LRRC53: variants seen among roughly 807,000 people sequenced by gnomAD.
LRRC53 encodes the protein leucine-rich repeat-containing protein 53.
Under a neutral mutation model 13.6 loss-of-function variants are expected in LRRC53, and 25 were observed. The ratio of observed to expected loss-of-function variants is 1.83; its 90% confidence interval spans 1.34 to 2.56. The LOEUF (loss-of-function observed/expected upper bound fraction) is 2.56, where lower values mean the gene tolerates loss of function less well. Ranked by LOEUF, LRRC53 falls within the 30% of genes most tolerant of loss-of-function variation. The pLI, the probability that LRRC53 is intolerant of heterozygous loss-of-function variation, is 0.00. For missense variants in LRRC53, 527 were observed against 275.8 expected (o/e 1.91, Z -6.45); for synonymous variants, 204 against 109.8 (o/e 1.86, Z -5.37).
the LRRC53 span, among the ~76,000 whole-genome samples, chr1:74,522,492 C>A: frequency 2.0e-5 from 3 of 152,070 alleles, no homozygotes; most frequent in African/African-American, 7.2e-5. Flanking sequence ...GTACGAGTTG[C>A]ATGACTAATT....
At chr1:74,525,572 A>G in the LRRC53 span, among the ~76,000 whole-genome samples, 1 of 152,242 alleles carries the variant, frequency 6.6e-6, no homozygotes, top group Non-Finnish European at 1.5e-5. Context: ...AAGTGTTGCA[A>G]GTAAACTCTG....
Position 74,480,635 on chromosome 1 carries a change from T to C in LRRC53, c.422A>G (p.Asn141Ser). ...SGLTRLQLDG[N>S]QITNLTDSSF... Reference sequence around the variant, plus strand: ...ACTGTCTGTGAGATTAGTAATCTGATTCCCATCCAGCTGGAGCCGGGTCAG... The same window carrying C: ...ACTGTCTGTGAGATTAGTAATCTGACTCCCATCCAGCTGGAGCCGGGTCAG... The change falls in exon 3 of 5, where the codon AAT becomes AGT. Residue 141 changes from asparagine (N) to serine (S), a missense_variant. Asn to Ser is a conservative substitution (Grantham distance 46). Transcript: ENST00000294635. 1.4e-6 allele frequency: 1 copy of C among 717,272 alleles called. No homozygotes were observed. The highest frequency in any genetic ancestry group is 1.5e-5 in the South Asian group (1 of 67,600). The allele number at this position is 717,272 out of a possible 1,614,324, so 44.4% of individuals were successfully genotyped here.
the LRRC53 span, among the ~76,000 whole-genome samples, chr1:74,535,541 T>C: frequency 1.3e-5 from 2 of 152,246 alleles, no homozygotes; most frequent in South Asian, 4.1e-4. Flanking sequence ...TTGTCACATC[T>C]TGTGACCTCC....
At chr1:74,489,123 T>C (rs1365161202) in intron 1 of LRRC53, 2 of 1,403,892 alleles carry the variant, frequency 1.4e-6, no homozygotes, top group East Asian at 2.3e-5. Context: ...TACCCAATTT[T>C]AACATCCAAA....
the LRRC53 span, among the ~76,000 whole-genome samples, chr1:74,520,646 TA>T: frequency 1.3e-5 from 2 of 152,072 alleles, no homozygotes; most frequent in African/African-American, 4.8e-5. Context: ...AATCCTTCTT[TA>T]AATATTAACT....
At chr1:74,511,086 C>T (rs747964406) in intron 1 of LRRC53, among the ~76,000 whole-genome samples, 74 of 152,158 alleles carry the variant, frequency 4.9e-4, no homozygotes, top group Non-Finnish European at 8.2e-4. Flanking sequence ...CAGAGTTTCA[C>T]CATGTTGGCC....
In LRRC53 at chr1:74,471,493, C is replaced by T; in HGVS notation, c.2129G>A (p.Gly710Glu). Residue 710 changes from glycine to glutamate, a missense_variant, in exon 5 of 5, where the codon GGG becomes GAG. Gly to Glu is a moderately conservative substitution (Grantham distance 98). Transcript: ENST00000294635. ...TTTTAAGTTTTGTCCTTTAATTTTC[C>T]CTTTGAGGTCAGACTGAGGGGTTCT... Reference protein sequence around the residue: ...RKRTPQSDLKGKIKGQNLKLN... With the variant: ...RKRTPQSDLKEKIKGQNLKLN... 1 of 400,486 alleles carries T rather than the reference C, an allele frequency of 2.5e-6. No individual in the cohort carries two copies. The highest frequency in any genetic ancestry group is 4.4e-6 in the Non-Finnish European group (1 of 226,082). 24.8% of individuals were successfully genotyped at this position (400,486 alleles called of 1,614,324 possible).
chr1:74,490,319 G>A (rs1557602380), intron 1 of LRRC53, among the ~76,000 whole-genome samples: 1 of 152,194 alleles, frequency 6.6e-6, no homozygotes. Flanking sequence ...GTGGACAAAA[G>A]CATCTGCCAG....
At chr1:74,485,279 A>G (rs896146865) in intron 1 of LRRC53, among the ~76,000 whole-genome samples, 1 of 152,208 alleles carries the variant, frequency 6.6e-6, no homozygotes, top group Admixed American at 6.5e-5. Flanking sequence ...AATAAGCATT[A>G]GGTAATTCCA....
the LRRC53 span, among the ~76,000 whole-genome samples, chr1:74,522,161 G>A: frequency 1.3e-5 from 2 of 152,124 alleles, no homozygotes; most frequent in African/African-American, 2.4e-5. Flanking sequence ...ACTTAATATA[G>A]CAGGTGAAGC....
At chr1:74,517,708 T>G in the LRRC53 span, among the ~76,000 whole-genome samples, 1 of 152,174 alleles carries the variant, frequency 6.6e-6, no homozygotes, top group Non-Finnish European at 1.5e-5. Flanking sequence ...AGAGTACGAC[T>G]GGTAAACCGA....
intron 1 of LRRC53, among the ~76,000 whole-genome samples, chr1:74,490,361 C>A (rs762253036): frequency 2.0e-5 from 3 of 152,126 alleles, no homozygotes; most frequent in Non-Finnish European, 2.9e-5. Context: ...ACCTTCAAGA[C>A]TTGAATTTAA....
At chr1:74,477,838 A>C (rs192744364) in intron 3 of LRRC53, among the ~76,000 whole-genome samples, 27 of 152,330 alleles carry the variant, frequency 1.8e-4, no homozygotes, top group Non-Finnish European at 1.2e-4. Context: ...TTCTATTTTT[A>C]AAAAGTGTTC....
At chr1:74,493,199 G>T (rs1032956191) in intron 1 of LRRC53, among the ~76,000 whole-genome samples, 1 of 152,146 alleles carries the variant, frequency 6.6e-6, no homozygotes, top group South Asian at 2.1e-4. Context: ...TGCTTCTAGG[G>T]GATAGGGAGG....
In LRRC53 at chr1:74,469,767, G is replaced by A. The variant is rs1200712531; in HGVS notation, c.*111C>T. ...ATAACAAAGAGTTACTGAGGACGTTGTTGTCCTCCAAAATGATCCACTTCT... is the reference window on the plus strand; with the variant it reads ...ATAACAAAGAGTTACTGAGGACGTTATTGTCCTCCAAAATGATCCACTTCT... On this transcript the variant is annotated 3_prime_UTR_variant, in exon 5 of 5. Transcript: ENST00000294635. The A allele has an allele frequency of 1.0e-5, 4 of 396,992 alleles. No homozygotes were observed. Among genetic ancestry groups the A allele is most frequent in the Non-Finnish European group, 1.3e-5 (3 of 225,086 alleles). The allele number at this position is 396,992 out of a possible 1,614,324, so 24.6% of individuals were successfully genotyped here.
At position 74,471,508 on chromosome 1, in the gene LRRC53, T is replaced by G; in HGVS notation, c.2114A>C (p.Gln705Pro). 5.0e-6 allele frequency: 2 copies of G among 400,700 alleles called. No homozygotes were observed. Among genetic ancestry groups the G allele is most frequent in the Non-Finnish European group, 8.8e-6 (2 of 226,160 alleles). 24.8% of individuals were successfully genotyped at this position (400,700 alleles called of 1,614,324 possible). A position where few individuals can be genotyped will look rare whatever the true frequency, so the allele number is the denominator to read the frequency against. ...SWVLKRKRTP[Q>P]SDLKGKIKGQ... ...TTTAATTTTCCCTTTGAGGTCAGAC[T>G]GAGGGGTTCTCTTCCTTTTCAGAAC... Residue 705 changes from glutamine (Q) to proline (P), a missense_variant, in exon 5 of 5, where the codon CAG becomes CCG. Transcript: ENST00000294635.
chr1:74,532,212 T>C, the LRRC53 span, among the ~76,000 whole-genome samples: 2 of 152,334 alleles, frequency 1.3e-5, no homozygotes, highest in East Asian at 1.9e-4. Flanking sequence ...TGTTTTAGCA[T>C]CATAGCAAGG....
intron 1 of LRRC53, among the ~76,000 whole-genome samples, chr1:74,506,207 G>A (rs1465730227): frequency 1.3e-5 from 2 of 152,192 alleles, no homozygotes. Context: ...ACAGAAATGT[G>A]TATTCAAACA....
At chr1:74,518,873 C>CTTTTTTTTTTTTTTTTTT in the LRRC53 span, among the ~76,000 whole-genome samples, 1 of 100,356 alleles carries the variant, frequency 1.0e-5, no homozygotes. Context: ...TTTTTTTTCC[C>CTTTTTTTTTTTTTTTTTT]CTTTTTTTTT....
Sources: allele counts gnomAD v4.1 joint callset (sites outside exome capture counted in the v4.1 genomes callset), GRCh38; gene constraint gnomAD v4.1.1; transcripts MANE v1.5; gene names NCBI Gene and HGNC (gene_info 2026-07-23, HGNC 2026-07-21).